Variants in ACAD10 observed in about 807,000 individuals in gnomAD.
ACAD10 encodes ACAD-10.
Under a neutral mutation model 116.8 loss-of-function variants are expected in ACAD10, and 112 were observed. The ratio of observed to expected loss-of-function variants is 0.96; its 90% CI spans 0.82 to 1.12. The LOEUF is 1.12. ACAD10 is among the 50% of genes most tolerant of loss of function. ACAD10 has a pLI of 0.00. For missense variants in ACAD10, 1,259 were observed against 1,350.2 expected, an observed-to-expected ratio of 0.93 and a Z score of 1.06; for synonymous variants, 486 against 510.6, an observed-to-expected ratio of 0.95 and a Z score of 0.65.
chr12:111,706,131 A>G (rs535661213), intron 4 of ACAD10, among the ~76,000 whole-genome samples, 199 bp downstream of exon 4: 1 of 152,346 alleles, frequency 6.6e-6, no homozygotes, highest in African/African-American at 2.4e-5. Context: ...TCAGACATTT[A>G]TGGCATTTGA....
chr12:111,750,337 G>A (rs1224791789), intron 18 of ACAD10, among the ~76,000 whole-genome samples: 1 of 151,168 alleles, frequency 6.6e-6, no homozygotes, highest in African/African-American at 2.4e-5. Context: ...AGCCAGGATG[G>A]TCTCGATCTC....
chr12:111,756,706 GTTCT>G lies in ACAD10; in HGVS notation c.*234_*237del, dbSNP rs760229780. The G allele has an allele frequency of 1.2e-5, 9 of 729,144 alleles. No individual in the cohort carries two copies. The South Asian group carries it at 1.3e-4, about 11-fold the overall frequency. The allele number at this position is 729,144 out of a possible 1,614,324, so 45.2% of individuals were successfully genotyped here. On this transcript the variant is annotated 3_prime_UTR_variant, in exon 21 of 21. Coordinates refer to ENST00000313698, the MANE Select transcript of ACAD10 (RefSeq NM_025247.6). ...AGGGGATTTGCTGAGGGCCAAGGGGGTTCTGGGACAGAGTCTGGAAAGCTGGTCT... is the reference window on the plus strand; with the variant it reads ...AGGGGATTTGCTGAGGGCCAAGGGGGGGGACAGAGTCTGGAAAGCTGGTCT...
At position 111,744,753 on chromosome 12, in the gene ACAD10, C is replaced by G; in HGVS notation, c.1825C>G (p.Pro609Ala). 1.9e-6 allele frequency: 3 copies of G among 1,614,184 alleles called. No individual in the cohort carries two copies. The highest frequency in any genetic ancestry group is 2.5e-6 in the Non-Finnish European group (3 of 1,180,038). ...AGGGTTCCGGGTTTTCAAAGAGATG[C>G]CCTTCACAAATCCGTTAACAAGGTC... ...KEGFRVFKEMPFTNPLTRSYH... is the reference protein window; with the variant it reads ...KEGFRVFKEMAFTNPLTRSYH... Residue 609 changes from proline (P) to alanine (A), a missense_variant, in exon 13 of 21, where the codon CCC (proline) becomes GCC (alanine). Coordinates refer to ENST00000313698, the MANE Select transcript of ACAD10 (RefSeq NM_025247.6).
intron 13 of ACAD10, chr12:111,745,407 T>TA (rs1889864856): frequency 6.5e-6 from 2 of 308,732 alleles, no homozygotes; most frequent in Non-Finnish European, 1.2e-5. Context: ...ATATCACAGC[T>TA]AGAGGGCCAG....
chr12:111,721,029 C>T (rs931062480), intron 7 of ACAD10, among the ~76,000 whole-genome samples: 1 of 151,886 alleles, frequency 6.6e-6, no homozygotes, highest in African/African-American at 2.4e-5. Context: ...AGCAGTCCTC[C>T]CCCTCAGCCT....
At chr12:111,709,380 A>G in intron 4 of ACAD10, 146 bp from the exon 5 acceptor site, 1 of 699,844 alleles carries the variant, frequency 1.4e-6, no homozygotes, top group South Asian at 3.1e-5. Context: ...AGGCAACATC[A>G]TTTTATATCA....
chr12:111,706,782 A>ATATAT (rs778649893), intron 4 of ACAD10, among the ~76,000 whole-genome samples: 1 of 126,506 alleles, frequency 7.9e-6, no homozygotes, highest in African/African-American at 3.2e-5. Context: ...ATATATATAT[A>ATATAT]TTTTTTTTTT....
chr12:111,730,148 G>A (rs549163998), intron 10 of ACAD10, among the ~76,000 whole-genome samples, 192 bp downstream of exon 10: 1 of 152,170 alleles, frequency 6.6e-6, no homozygotes, highest in South Asian at 2.1e-4. Context: ...AGTTTTTGTG[G>A]TGGGAGCTAC....
chr12:111,691,758 G>A (rs1051965348), intron 1 of ACAD10, among the ~76,000 whole-genome samples: 1 of 151,494 alleles, frequency 6.6e-6, no homozygotes, highest in Non-Finnish European at 1.5e-5. Context: ...CCATGCCCAG[G>A]TTATTTTTGT....
chr12:111,753,551 G>T, intron 18 of ACAD10: 1 of 713,660 alleles, frequency 1.4e-6, no homozygotes, highest in Non-Finnish European at 2.5e-6. Flanking sequence ...GCTGTGGCTG[G>T]CTGTGGCACA....
intron 10 of ACAD10, among the ~76,000 whole-genome samples, chr12:111,732,393 A>G (rs1006405760): frequency 2.0e-5 from 3 of 152,348 alleles, no homozygotes; most frequent in Non-Finnish European, 2.9e-5. Flanking sequence ...TTTAAAAATA[A>G]TTGAAAGAAC....
intron 12 of ACAD10, among the ~76,000 whole-genome samples, chr12:111,739,934 C>T (rs188254585): frequency 1.3e-5 from 2 of 152,122 alleles, no homozygotes; most frequent in Admixed American, 6.5e-5. Flanking sequence ...TAACAGTTAA[C>T]GATTTTTTAA....
At chr12:111,710,145 A>G (rs1888629930) in intron 5 of ACAD10, 1 of 323,898 alleles carries the variant, frequency 3.1e-6, no homozygotes. Flanking sequence ...GCTGGAGTGC[A>G]GTGGTGCAAT....
At position 111,756,753 on chromosome 12, in the gene ACAD10, G is replaced by A; in HGVS notation, c.*280G>A. ...GCTGGTCTTCAGGCTCTCAGTCCCAGGCTGGGCAGGCACGGTCACTTCACT... is the reference window on the plus strand; with the variant it reads ...GCTGGTCTTCAGGCTCTCAGTCCCAAGCTGGGCAGGCACGGTCACTTCACT... On this transcript the variant is annotated 3_prime_UTR_variant, in exon 21 of 21. Coordinates refer to ENST00000313698, the MANE Select transcript of ACAD10 (RefSeq NM_025247.6). The A allele has an allele frequency of 1.7e-6, 1 of 595,850 alleles. No individual in the cohort carries two copies. Among genetic ancestry groups the A allele is most frequent in the South Asian group, 1.5e-5 (1 of 65,856 alleles). The allele number at this position is 595,850 out of a possible 1,614,324, so 36.9% of individuals were successfully genotyped here. A position where few individuals can be genotyped will look rare whatever the true frequency, so the allele number is the denominator to read the frequency against.
intron 2 of ACAD10, among the ~76,000 whole-genome samples, chr12:111,699,459 T>C (rs964811979): frequency 2.0e-5 from 3 of 152,120 alleles, no homozygotes; most frequent in African/African-American, 4.8e-5. Flanking sequence ...TTTGAAAAAT[T>C]GCCCGTGTGT....
intron 8 of ACAD10, among the ~76,000 whole-genome samples, chr12:111,723,170 G>A (rs1436341619): frequency 7.0e-6 from 1 of 142,550 alleles, no homozygotes; most frequent in Admixed American, 6.8e-5. Context: ...CCTCCCGGAC[G>A]GGGCGGCTGG....
At position 111,686,229 on chromosome 12, in the gene ACAD10, G is replaced by T. The variant is rs1172665111; in HGVS notation, c.-24G>T. ...CCTCGGCTGACGGCGCGGGATCCCT[G>T]GCTCCGCGAGGTCTCCGAATTGTCC... On this transcript the variant is annotated 5_prime_UTR_variant, in exon 1 of 21. Coordinates refer to ENST00000313698, the MANE Select transcript of ACAD10 (RefSeq NM_025247.6). 6.5e-6 allele frequency: 1 copy of T among 153,080 alleles called. No individual in the cohort carries two copies. The highest frequency in any genetic ancestry group is 2.4e-5 in the African/African-American group (1 of 41,510). 9.5% of individuals were successfully genotyped at this position (153,080 alleles called of 1,614,324 possible).
chr12:111,705,661 AT>A (rs941083791), intron 3 of ACAD10, 76 bp from the exon 4 acceptor site: 1,274 of 1,227,056 alleles, frequency 1.0e-3, no homozygotes, highest in South Asian at 1.2e-3. Flanking sequence ...AGGAATAAGC[AT>A]TTTTTTTTTC....
chr12:111,736,185 G>GTTTT (rs35268951), intron 11 of ACAD10, among the ~76,000 whole-genome samples: 4 of 97,750 alleles, frequency 4.1e-5, no homozygotes, highest in Non-Finnish European at 6.1e-5. Context: ...CCAGCCAATT[G>GTTTT]TTTTTTTTTT....
Sources: gnomAD v4.1 joint callset for allele counts (sites outside exome capture counted in the v4.1 genomes callset) on GRCh38, gnomAD v4.1.1 for gene constraint, MANE v1.5 for transcripts, NCBI Gene and HGNC (gene_info 2026-07-23, HGNC 2026-07-21) for gene names.